Variants in LDLRAD4 observed in about 807,000 individuals in gnomAD.
LDLRAD4 encodes the protein low density lipoprotein receptor class A domain containing 4, also known as low-density lipoprotein receptor class A domain-containing protein 4.
A neutral mutation model predicts 17.0 loss-of-function variants in LDLRAD4; 5 were observed. The observed-to-expected ratio is 0.29, with a 90% CI of 0.15 to 0.62. The LOEUF is 0.62. Ranked by LOEUF, LDLRAD4 falls within the 20% of genes least tolerant of loss-of-function variation. The probability of loss-of-function intolerance (pLI) is 0.84; values close to 1 mark genes in which losing one functional copy is unlikely to be tolerated. For synonymous variants in LDLRAD4, 168 were observed against 171.8 expected, an observed-to-expected ratio of 0.98 and a Z score of 0.17; for missense variants, 340 against 424.7, an observed-to-expected ratio of 0.80 and a Z score of 1.75.
chr18:13,312,102 T>A (rs577734916), intron 1 of LDLRAD4, among the ~76,000 whole-genome samples: 20 of 152,278 alleles, frequency 1.3e-4, no homozygotes, highest in African/African-American at 4.8e-4. Context: ...CCCAAAGTGC[T>A]AGGATTACAG....
chr18:13,408,219 C>T (rs2087954283), intron 2 of LDLRAD4, among the ~76,000 whole-genome samples: 2 of 151,854 alleles, frequency 1.3e-5, no homozygotes, highest in African/African-American at 4.8e-5. Flanking sequence ...ACAAAAAATA[C>T]ACAATTTAGC....
chr18:13,612,490 G>T, intron 3 of LDLRAD4: 3 of 1,341,470 alleles, frequency 2.2e-6, no homozygotes, highest in Non-Finnish European at 2.9e-6. Flanking sequence ...TCTAGCACCT[G>T]GGGTGGGCCC....
intron 3 of LDLRAD4, among the ~76,000 whole-genome samples, chr18:13,516,966 C>A (rs987663862): frequency 1.3e-5 from 2 of 152,214 alleles, no homozygotes; most frequent in African/African-American, 4.8e-5. Flanking sequence ...CTTTCCGCCT[C>A]AGCTTCTCGA....
intron 1 of LDLRAD4, among the ~76,000 whole-genome samples, chr18:13,337,252 C>T (rs1027832468): frequency 6.6e-6 from 1 of 152,148 alleles, no homozygotes; most frequent in Non-Finnish European, 1.5e-5. Flanking sequence ...GGACTACAGC[C>T]GTGTCTTTCA....
chr18:13,221,179 A>G (rs1053844822), intron 1 of LDLRAD4, among the ~76,000 whole-genome samples: 11 of 152,238 alleles, frequency 7.2e-5, no homozygotes, highest in Admixed American at 6.5e-4. Context: ...AGAGCGCACC[A>G]TATTAACCTG....
chr18:13,548,844 C>T (rs1359205606), intron 3 of LDLRAD4, among the ~76,000 whole-genome samples: 1 of 152,256 alleles, frequency 6.6e-6, no homozygotes, highest in Non-Finnish European at 1.5e-5. Context: ...CAGCCAGCAT[C>T]ATGGCAGCGG....
At chr18:13,363,524 C>T (rs2083843875) in intron 1 of LDLRAD4, among the ~76,000 whole-genome samples, 1 of 152,096 alleles carries the variant, frequency 6.6e-6, no homozygotes, top group Non-Finnish European at 1.5e-5. Context: ...CTAAACAAAG[C>T]CAAACCTGTT....
intron 3 of LDLRAD4, among the ~76,000 whole-genome samples, chr18:13,441,349 G>C (rs2091009918): frequency 6.6e-6 from 1 of 152,206 alleles, no homozygotes; most frequent in Non-Finnish European, 1.5e-5. Flanking sequence ...TGCTCTGACG[G>C]TAAGGTCCCC....
At chr18:13,327,215 G>A (rs561667545) in intron 1 of LDLRAD4, among the ~76,000 whole-genome samples, 93 of 152,142 alleles carry the variant, frequency 6.1e-4, no homozygotes, top group African/African-American at 2.2e-3. Context: ...GTTAGTGATG[G>A]AGCCACTTTG....
Position 13,549,354 on chromosome 18 carries a change from G to A in LDLRAD4, c.182-71763G>A, listed in dbSNP as rs141864815. 5.3e-5 allele frequency among the ~76,000 whole-genome samples: 8 copies of A among 152,216 alleles called. No homozygotes were observed. The East Asian group carries it at 1.5e-3, about 29-fold the overall frequency. On this transcript the variant is annotated intron_variant, in intron 3 of 5. Transcript: ENST00000359446. ...TGTCTTCATTTCTCAGAAACAGTGA[G>A]ATTGTGCAAGGATGAGGAATCACGC...
At chr18:13,557,679 C>T (rs1372117604) in intron 3 of LDLRAD4, among the ~76,000 whole-genome samples, 12 of 152,200 alleles carry the variant, frequency 7.9e-5, no homozygotes, top group Non-Finnish European at 1.5e-5. Context: ...TGATTACAGG[C>T]GTGAGCCACC....
At chr18:13,575,121 G>A (rs2094750319) in intron 3 of LDLRAD4, among the ~76,000 whole-genome samples, 1 of 152,162 alleles carries the variant, frequency 6.6e-6, no homozygotes, top group Admixed American at 6.5e-5. Context: ...ATGGTATTTA[G>A]TTACATGAGA....
At chr18:13,227,974 G>A (rs2041893842) in intron 1 of LDLRAD4, among the ~76,000 whole-genome samples, 1 of 152,216 alleles carries the variant, frequency 6.6e-6, no homozygotes, top group Non-Finnish European at 1.5e-5. Flanking sequence ...GAGGTGCCTA[G>A]GTGCGTGAGC....
chr18:13,609,628 A>G (rs1193682153), intron 3 of LDLRAD4, among the ~76,000 whole-genome samples: 2 of 152,150 alleles, frequency 1.3e-5, no homozygotes, highest in Non-Finnish European at 2.9e-5. Flanking sequence ...TGGTTTTTAA[A>G]CAGGTTGAAC....
intron 2 of LDLRAD4, among the ~76,000 whole-genome samples, chr18:13,396,112 A>T (rs1186258078): frequency 6.6e-6 from 1 of 152,230 alleles, no homozygotes; most frequent in Non-Finnish European, 1.5e-5. Flanking sequence ...TGGTTCCGTT[A>T]AAATTTTTTA....
At chr18:13,279,626 G>A (rs1276448642) in intron 1 of LDLRAD4, 1 of 152,176 alleles carries the variant, frequency 6.6e-6, no homozygotes, top group Non-Finnish European at 1.5e-5. Context: ...CCCCTTATGT[G>A]GGGTTACCTC....
intron 3 of LDLRAD4, among the ~76,000 whole-genome samples, chr18:13,618,421 AAAATCCTTTTC>A: frequency 6.6e-6 from 1 of 152,372 alleles, no homozygotes; most frequent in South Asian, 2.1e-4. Flanking sequence ...TTTTATAATA[AAAATCCTTTTC>A]AAATGAAACA....
chr18:13,612,792 TG>T (rs2039723697), intron 3 of LDLRAD4: 2 of 1,613,804 alleles, frequency 1.2e-6, no homozygotes, highest in Admixed American at 1.7e-5. Context: ...TCCCAAGAAC[TG>T]CTATGGATGA....
chr18:13,246,333 CG>C (rs1286345294), intron 1 of LDLRAD4, among the ~76,000 whole-genome samples: 5 of 152,192 alleles, frequency 3.3e-5, no homozygotes, highest in Admixed American at 3.3e-4. Flanking sequence ...GCTGCCCTGG[CG>C]CCTGGTGATG....
Sources: allele counts gnomAD v4.1 joint callset (sites outside exome capture counted in the v4.1 genomes callset), GRCh38; gene constraint gnomAD v4.1.1; transcripts MANE v1.5; gene names NCBI Gene and HGNC (gene_info 2026-07-23, HGNC 2026-07-21).